DENND2A: variants seen among roughly 807,000 people sequenced by gnomAD.
DENND2A encodes DENN domain-containing protein 2A.
Under a neutral mutation model 105.3 loss-of-function variants are expected in DENND2A, and 53 were observed. The ratio of observed to expected loss-of-function variants is 0.50; its 90% CI spans 0.40 to 0.63. The LOEUF (loss-of-function observed/expected upper bound fraction) is 0.63. DENND2A is among the 30% of genes least tolerant of loss of function. DENND2A has a pLI of 0.00. For synonymous variants in DENND2A, 522 were observed against 508.4 expected, an observed-to-expected ratio of 1.03 and a Z score of -0.36; for missense variants, 1,138 against 1,279.6, an observed-to-expected ratio of 0.89 and a Z score of 1.69.
At chr7:140,611,978 C>T (rs7811087) in intron 1 of DENND2A, among the ~76,000 whole-genome samples, 18,763 of 152,114 alleles carry the variant, frequency 0.12, 3,217 homozygotes, top group African/African-American at 0.39. Flanking sequence ...CGGTGGCTCA[C>T]GTCTGTAATT....
chr7:140,619,982 C>T (rs970554785), intron 1 of DENND2A, among the ~76,000 whole-genome samples: 2 of 151,796 alleles, frequency 1.3e-5, no homozygotes. Context: ...CACCTGAGGT[C>T]AGGAGTTCAA....
Position 140,587,725 on chromosome 7 carries a change from C to T in DENND2A, c.1051G>A (p.Asp351Asn), listed in dbSNP as rs1230743554. 6.2e-7 allele frequency: 1 copy of T among 1,612,380 alleles called. No homozygotes were observed. Residue 351 changes from aspartate to asparagine, a missense_variant, in exon 4 of 20, where the codon GAC becomes AAC. Around this residue, in one of 2 missense-constraint regions of DENND2A, gnomAD observed 511 missense variants for 499.9 expected, o/e 1.02. Coordinates refer to ENST00000496613, the MANE Select transcript of DENND2A (RefSeq NM_015689.5). The stretch of plus-strand genomic sequence containing the variant: ...CCCAGCTTAGTCTGCGCGTACCAGT[C>T]CACCCTGCTGCTCTCAGAGGAAGAC... ...LQSSSESSRV[D>N]WYAQTKLGLT...
At chr7:140,547,640 C>G (rs1449823974) in intron 12 of DENND2A, among the ~76,000 whole-genome samples, 2 of 152,010 alleles carry the variant, frequency 1.3e-5, no homozygotes, top group African/African-American at 4.8e-5. Context: ...AGGTACCTAC[C>G]CAAAAGAAGT....
At chr7:140,537,446 G>GTTTTATT (rs1488867935) in intron 14 of DENND2A, among the ~76,000 whole-genome samples, 1 of 152,076 alleles carries the variant, frequency 6.6e-6, no homozygotes, top group Non-Finnish European at 1.5e-5. Flanking sequence ...TTTCTTATTT[G>GTTTTATT]TTTTATTTTT....
At chr7:140,574,228 CT>C (rs1170742498) in intron 5 of DENND2A, among the ~76,000 whole-genome samples, 1 of 151,816 alleles carries the variant, frequency 6.6e-6, no homozygotes, top group Non-Finnish European at 1.5e-5. Flanking sequence ...AATTCAGTTT[CT>C]TTTTTTTGAG....
intron 1 of DENND2A, among the ~76,000 whole-genome samples, chr7:140,606,229 G>A (rs1023535917): frequency 2.6e-5 from 4 of 151,930 alleles, no homozygotes; most frequent in Admixed American, 2.0e-4. Context: ...TAGTAGAGAC[G>A]GTTTTTCACC....
intron 9 of DENND2A, among the ~76,000 whole-genome samples, chr7:140,561,427 T>C (rs1191017567): frequency 6.6e-6 from 1 of 152,072 alleles, no homozygotes; most frequent in Non-Finnish European, 1.5e-5. Context: ...TCTGAATATC[T>C]GAGGTTAGGA....
intron 4 of DENND2A, among the ~76,000 whole-genome samples, chr7:140,587,328 G>T (rs951089995): frequency 6.6e-6 from 1 of 152,030 alleles, no homozygotes; most frequent in African/African-American, 2.4e-5. Flanking sequence ...AATGTCCTGC[G>T]GCCAACAGGC....
At chr7:140,567,304 AAGAGAG>A (rs60964847) in intron 8 of DENND2A, 31 bp from the exon 9 acceptor site, 10,505 of 657,636 alleles carry the variant, frequency 0.016, 15 homozygotes, top group East Asian at 0.031. Flanking sequence ...GAAAGAGAGA[AAGAGAG>A]AGAGAGAGAG....
chr7:140,526,034 G>A (rs1354062531), intron 15 of DENND2A, among the ~76,000 whole-genome samples: 6 of 152,174 alleles, frequency 3.9e-5, no homozygotes, highest in African/African-American at 1.2e-4. Flanking sequence ...CATGTGTGCT[G>A]TGGCTGGACT....
At chr7:140,548,162 G>C (rs1796981014) in intron 12 of DENND2A, among the ~76,000 whole-genome samples, 2 of 152,060 alleles carry the variant, frequency 1.3e-5, no homozygotes, top group African/African-American at 4.8e-5. Context: ...CTGGGCTCAA[G>C]TGTCCTCCTA....
chr7:140,565,907 T>C (rs1311340935), intron 9 of DENND2A, among the ~76,000 whole-genome samples: 1 of 152,168 alleles, frequency 6.6e-6, no homozygotes, highest in South Asian at 2.1e-4. Flanking sequence ...CCCACCAGCA[T>C]CATGACAGTT....
At chr7:140,518,839 C>T (rs1488847955) in intron 19 of DENND2A, 101 bp from the exon 20 acceptor site, 1 of 1,034,318 alleles carries the variant, frequency 9.7e-7, no homozygotes, top group African/African-American at 1.6e-5. Context: ...ACGGGGCCCC[C>T]ACGCCACCCC....
chr7:140,568,027 G>T (rs972263709), intron 8 of DENND2A, among the ~76,000 whole-genome samples: 1 of 152,052 alleles, frequency 6.6e-6, no homozygotes, highest in African/African-American at 2.4e-5. Flanking sequence ...TGCAACCTCC[G>T]CCTCCCGGGT....
At chr7:140,572,668 C>A (rs987888498) in intron 6 of DENND2A, among the ~76,000 whole-genome samples, 1 of 149,198 alleles carries the variant, frequency 6.7e-6, no homozygotes. Context: ...GCAGGAGAAT[C>A]GCTTGAACCC....
rs1297374799 is a variant in DENND2A at position 140,585,645 on chromosome 7, A to C, written c.1189T>G (p.Cys397Gly). Residue 397 changes from cysteine to glycine, a missense_variant, in exon 5 of 20, where the codon TGT becomes GGT. Cys to Gly is a radical substitution (Grantham distance 159, BLOSUM62 -3). Around this residue, in one of 2 missense-constraint regions of DENND2A, gnomAD observed 511 missense variants for 499.9 expected, o/e 1.02. Transcript: ENST00000496613. ...ELHGRCLGKK[C>G]VLNFPASPTS... ...GGAGAAGCAGGAAAATTCAAGACAC[A>C]CTTCTTTCCCAGGCAGCGACCATGT... 6.2e-7 allele frequency: 1 copy of C among 1,614,142 alleles called. No individual in the cohort carries two copies. The highest frequency in any genetic ancestry group is 1.7e-5 in the Admixed American group (1 of 60,018).
chr7:140,638,637 G>A (rs377379621), intron 1 of DENND2A, among the ~76,000 whole-genome samples: 1 of 151,952 alleles, frequency 6.6e-6, no homozygotes, highest in South Asian at 2.1e-4. Context: ...ACCTCTCCCC[G>A]GCATGCACTC....
intron 1 of DENND2A, among the ~76,000 whole-genome samples, chr7:140,620,532 C>G (rs889029845): frequency 6.6e-6 from 1 of 152,038 alleles, no homozygotes; most frequent in Non-Finnish European, 1.5e-5. Context: ...TCCAAATTTT[C>G]TATTATAAGC....
At chr7:140,616,421 AG>A (rs1341087383) in intron 1 of DENND2A, among the ~76,000 whole-genome samples, 14 of 152,142 alleles carry the variant, frequency 9.2e-5, no homozygotes, top group African/African-American at 3.4e-4. Flanking sequence ...AGTGGTTGCC[AG>A]AGGCTAAGTG....
Sources: gnomAD v4.1 joint callset for allele counts (sites outside exome capture counted in the v4.1 genomes callset) on GRCh38, gnomAD v4.1.1 for gene constraint, gnomAD v4.1.1 regional missense constraint, MANE v1.5 for transcripts, NCBI Gene and HGNC (gene_info 2026-07-23, HGNC 2026-07-21) for gene names.